Variants in FHIT observed in about 807,000 individuals in gnomAD.
FHIT encodes fragile histidine triad diadenosine triphosphatase, also known as bis(5'-adenosyl)-triphosphatase.
A neutral mutation model predicts 17.9 loss-of-function variants in FHIT; 19 were observed. The observed-to-expected ratio is 1.06, with a 90% CI of 0.74 to 1.56. The LOEUF is 1.56. Among genes scored for constraint, FHIT ranks in the 40% most tolerant of loss-of-function variants. The probability of loss-of-function intolerance (pLI) is 0.00; values close to 1 mark genes in which losing one functional copy is unlikely to be tolerated. For synonymous variants in FHIT, 81 were observed against 69.7 expected (o/e 1.16, Z -0.81); for missense variants, 248 against 189.2 (o/e 1.31, Z -1.82).
At chr3:59,923,407 C>T (rs1437906222) in intron 7 of FHIT, among the ~76,000 whole-genome samples, 2 of 151,930 alleles carry the variant, frequency 1.3e-5, no homozygotes, top group African/African-American at 2.4e-5. Flanking sequence ...ACTGATTCTG[C>T]GAACTTAATC....
At chr3:60,262,796 CTCTT>C (rs1028381556) in intron 5 of FHIT, among the ~76,000 whole-genome samples, 2 of 151,334 alleles carry the variant, frequency 1.3e-5, no homozygotes, top group Non-Finnish European at 2.9e-5. Flanking sequence ...ACCAAATAAA[CTCTT>C]TATGTGGTTA....
chr3:61,212,529 G>T (rs1177141476), intron 1 of FHIT, among the ~76,000 whole-genome samples: 1 of 152,208 alleles, frequency 6.6e-6, no homozygotes, highest in East Asian at 1.9e-4. Flanking sequence ...CGTCTGATTG[G>T]TGTACCTGAA....
intron 7 of FHIT, among the ~76,000 whole-genome samples, chr3:59,946,467 C>T (rs1033601473): frequency 2.6e-5 from 4 of 152,154 alleles, no homozygotes; most frequent in African/African-American, 9.7e-5. Flanking sequence ...TCATTTCCAA[C>T]AGATGGTTTA....
At chr3:61,244,804 A>G (rs73098993) in intron 1 of FHIT, among the ~76,000 whole-genome samples, 7,383 of 152,236 alleles carry the variant, frequency 0.048, 209 homozygotes, top group Admixed American at 0.072. Flanking sequence ...CTACACAACT[A>G]TGTACTTCTT....
chr3:61,170,342 GA>G (rs1372602166), intron 2 of FHIT, among the ~76,000 whole-genome samples: 2 of 152,096 alleles, frequency 1.3e-5, no homozygotes, highest in Non-Finnish European at 2.9e-5. Context: ...AATAAAATGA[GA>G]AGTTAAAGTT....
At chr3:60,505,566 C>T (rs188650728) in intron 5 of FHIT, among the ~76,000 whole-genome samples, 1 of 152,286 alleles carries the variant, frequency 6.6e-6, no homozygotes, top group African/African-American at 2.4e-5. Context: ...CTCATATTTA[C>T]ACTTTTCACC....
At chr3:60,066,480 T>C (rs577415502) in intron 5 of FHIT, among the ~76,000 whole-genome samples, 2 of 152,256 alleles carry the variant, frequency 1.3e-5, no homozygotes, top group African/African-American at 4.8e-5. Context: ...TTTAGAAATA[T>C]GTGGATAACA....
chr3:61,214,033 A>C (rs2039584083), intron 1 of FHIT, among the ~76,000 whole-genome samples: 2 of 152,224 alleles, frequency 1.3e-5, no homozygotes, highest in African/African-American at 4.8e-5. Context: ...TTATAGCACT[A>C]AATGCCCACA....
chr3:61,008,145 C>A (rs2031571554), intron 3 of FHIT, among the ~76,000 whole-genome samples: 1 of 152,182 alleles, frequency 6.6e-6, no homozygotes, highest in African/African-American at 2.4e-5. Flanking sequence ...AACCAAAGAC[C>A]CTGTAGAAGC....
chr3:59,804,678 T>C (rs981775558), intron 8 of FHIT, among the ~76,000 whole-genome samples: 1 of 152,190 alleles, frequency 6.6e-6, no homozygotes, highest in African/African-American at 2.4e-5. Flanking sequence ...GTATGCCCTA[T>C]GGAGAGGATA....
At chr3:59,819,110 T>C (rs1170571880) in intron 8 of FHIT, among the ~76,000 whole-genome samples, 1 of 152,240 alleles carries the variant, frequency 6.6e-6, no homozygotes, top group Non-Finnish European at 1.5e-5. Flanking sequence ...TTGCATCTTA[T>C]AGTTTAAACA....
intron 5 of FHIT, among the ~76,000 whole-genome samples, chr3:60,417,674 A>G (rs1286020536): frequency 6.6e-6 from 1 of 152,194 alleles, no homozygotes; most frequent in Non-Finnish European, 1.5e-5. Context: ...GTGTCAAGTC[A>G]CATTTCAGAA....
At chr3:60,242,430 A>C (rs905025834) in intron 5 of FHIT, among the ~76,000 whole-genome samples, 4 of 152,054 alleles carry the variant, frequency 2.6e-5, no homozygotes, top group African/African-American at 9.7e-5. Context: ...TGCAAAGTAC[A>C]TATTATTTCC....
intron 5 of FHIT, among the ~76,000 whole-genome samples, chr3:60,319,665 C>T (rs902301607): frequency 6.6e-6 from 1 of 152,114 alleles, no homozygotes; most frequent in Non-Finnish European, 1.5e-5. Flanking sequence ...GCAAACAGCC[C>T]AACTCAAACA....
At chr3:60,285,650 G>C (rs1387187432) in intron 5 of FHIT, among the ~76,000 whole-genome samples, 2 of 152,064 alleles carry the variant, frequency 1.3e-5, no homozygotes, top group African/African-American at 4.8e-5. Flanking sequence ...TCTTGGGTGG[G>C]CCTAACTTAA....
At chr3:61,003,255 A>G (rs899283612) in intron 3 of FHIT, among the ~76,000 whole-genome samples, 1 of 152,212 alleles carries the variant, frequency 6.6e-6, no homozygotes, top group African/African-American at 2.4e-5. Context: ...GCCATTTGCA[A>G]TCTGCAAAAG....
intron 3 of FHIT, among the ~76,000 whole-genome samples, chr3:60,844,969 G>C (rs1702874501): frequency 6.6e-6 from 1 of 151,780 alleles, no homozygotes; most frequent in African/African-American, 2.4e-5. Flanking sequence ...TTTTCTGATA[G>C]TCTACTCTAG....
chr3:60,377,741 A>G (rs895636637), intron 5 of FHIT, among the ~76,000 whole-genome samples: 10 of 150,876 alleles, frequency 6.6e-5, no homozygotes, highest in African/African-American at 2.2e-4. Flanking sequence ...TCGGCCTCCC[A>G]AAGTGCTGGG....
At chr3:60,667,641 T>C (rs185656646) in intron 4 of FHIT, among the ~76,000 whole-genome samples, 1 of 152,188 alleles carries the variant, frequency 6.6e-6, no homozygotes, top group Admixed American at 6.5e-5. Flanking sequence ...TCTCATTCAA[T>C]TTGTGATTTT....
Sources: gnomAD v4.1 joint callset for allele counts (sites outside exome capture counted in the v4.1 genomes callset) on GRCh38, gnomAD v4.1.1 for gene constraint, MANE v1.5 for transcripts, NCBI Gene and HGNC (gene_info 2026-07-23, HGNC 2026-07-21) for gene names.